Variants in SPTLC3 observed in about 807,000 individuals in gnomAD.
SPTLC3 encodes the protein serine palmitoyltransferase 3.
In SPTLC3, 36 loss-of-function variants were observed where a neutral mutation model predicts 59.3. The ratio of observed to expected loss-of-function variants is 0.61; its 90% CI spans 0.47 to 0.80. SPTLC3 has a LOEUF of 0.80. SPTLC3 is among the 30% of genes least tolerant of loss of function. The probability of loss-of-function intolerance (pLI) is 0.00; values close to 1 mark genes in which losing one functional copy is unlikely to be tolerated. For synonymous variants in SPTLC3, 257 were observed against 240.8 expected, an observed-to-expected ratio of 1.07 and a Z score of -0.62; for missense variants, 625 against 685.1, an observed-to-expected ratio of 0.91 and a Z score of 0.98.
At chr20:13,087,360 C>T (rs915612560) in intron 4 of SPTLC3, among the ~76,000 whole-genome samples, 3 of 152,096 alleles carry the variant, frequency 2.0e-5, no homozygotes, top group African/African-American at 7.2e-5. Context: ...GGTGACTGGG[C>T]CAGTTTCCTG....
intron 2 of SPTLC3, 133 bp from the exon 3 acceptor site, chr20:13,072,123 C>A (rs1316522100): frequency 1.1e-5 from 11 of 968,776 alleles, no homozygotes; most frequent in Admixed American, 2.6e-5. Flanking sequence ...CCCTCACCTA[C>A]TGACCTTTGC....
Position 13,168,605 on chromosome 20 carries a change from A to T in SPTLC3, c.*3738A>T, listed in dbSNP as rs2039013923. 6.6e-6 allele frequency: 1 copy of T among 152,250 alleles called. No individual in the cohort carries two copies. The highest frequency in any genetic ancestry group is 6.5e-5 in the Admixed American group (1 of 15,288). 9.4% of individuals were successfully genotyped at this position (152,250 alleles called of 1,614,324 possible). A position where few individuals can be genotyped will look rare whatever the true frequency, so the allele number is the denominator to read the frequency against. On this transcript the variant is annotated 3_prime_UTR_variant, in exon 12 of 12. Transcript: ENST00000399002. ...AAAAGTCTTAACAGTTCTTCAAACG[A>T]ACAATATTCTTTTGTATTTTTCTTC...
At chr20:13,060,194 T>A (rs767778825) in intron 2 of SPTLC3, among the ~76,000 whole-genome samples, 2 of 152,188 alleles carry the variant, frequency 1.3e-5, no homozygotes, top group African/African-American at 2.4e-5. Flanking sequence ...TTTAGACAGA[T>A]CCTATCAGAC....
intron 4 of SPTLC3, among the ~76,000 whole-genome samples, chr20:13,081,966 C>A (rs1988854443): frequency 2.0e-5 from 3 of 152,162 alleles, no homozygotes; most frequent in Admixed American, 2.0e-4. Flanking sequence ...TAGTAGAGTT[C>A]TGACAACATA....
At position 13,072,309 on chromosome 20, in the gene SPTLC3, C is replaced by T. The variant is rs536711283; in HGVS notation, c.357C>T (p.Tyr119=). The T allele has an allele frequency of 1.2e-6, 2 of 1,613,944 alleles. No individual in the cohort carries two copies. Among genetic ancestry groups the T allele is most frequent in the African/African-American group, 1.3e-5 (1 of 75,048 alleles). ...AAAATTTTTATACAAGAAACCTTTA[C>T]ATGCGAATCAGAGACAACTGGAACC... ...DFENFYTRNL[Y]MRIRDNWNRP... Residue 119 remains tyrosine, a synonymous_variant, in exon 3 of 12, where the codon TAC becomes TAT. Transcript: ENST00000399002.
chr20:13,042,721 T>C (rs1987043933), intron 1 of SPTLC3, among the ~76,000 whole-genome samples: 1 of 152,200 alleles, frequency 6.6e-6, no homozygotes, highest in African/African-American at 2.4e-5. Context: ...AGAATGTTTC[T>C]ACTTGCTGAA....
intron 5 of SPTLC3, among the ~76,000 whole-genome samples, chr20:13,091,954 T>C (rs971608567): frequency 5.9e-5 from 9 of 152,224 alleles, no homozygotes; most frequent in South Asian, 2.1e-4. Context: ...ACAAGACCTA[T>C]GTATTTTAAA....
In SPTLC3 at chr20:13,074,502, G is replaced by A. The variant is rs1600254115; in HGVS notation, c.607+5G>A. ...CCAGCACCAGGCATGAAATGGGTAT[G>A]TACATTCACTGTTTTGAAACTTTTT... On this transcript the variant is annotated splice_donor_5th_base_variant and intron_variant, in intron 4 of 11. Transcript: ENST00000399002. The A allele has an allele frequency of 6.2e-7, 1 of 1,603,246 alleles. No homozygotes were observed. Among genetic ancestry groups the A allele is most frequent in the Non-Finnish European group, 8.5e-7 (1 of 1,174,556 alleles).
At chr20:13,094,013 A>T (rs1241250108) in intron 6 of SPTLC3, among the ~76,000 whole-genome samples, 1 of 152,150 alleles carries the variant, frequency 6.6e-6, no homozygotes, top group African/African-American at 2.4e-5. Context: ...AGATGCTCAG[A>T]TCCCCACCCA....
chr20:13,100,953 G>A (rs1229904290), intron 6 of SPTLC3, among the ~76,000 whole-genome samples: 1 of 152,096 alleles, frequency 6.6e-6, no homozygotes, highest in African/African-American at 2.4e-5. Context: ...TTCAGAAAGT[G>A]ATGCCAGGAA....
At chr20:13,080,928 T>A (rs1988821236) in intron 4 of SPTLC3, among the ~76,000 whole-genome samples, 1 of 152,190 alleles carries the variant, frequency 6.6e-6, no homozygotes, top group Non-Finnish European at 1.5e-5. Context: ...ATTTGGTGGA[T>A]CTGTTTAGCA....
chr20:13,125,320 A>G (rs1220541296), intron 8 of SPTLC3, among the ~76,000 whole-genome samples: 1 of 152,224 alleles, frequency 6.6e-6, no homozygotes, highest in Non-Finnish European at 1.5e-5. Flanking sequence ...CATTCCAAAG[A>G]GTGTTACACA....
chr20:13,132,568 A>T (rs1237839695), intron 9 of SPTLC3, among the ~76,000 whole-genome samples: 1 of 152,182 alleles, frequency 6.6e-6, no homozygotes, highest in Non-Finnish European at 1.5e-5. Context: ...AAACTCCAGG[A>T]GAACAAGCAC....
intron 10 of SPTLC3, among the ~76,000 whole-genome samples, chr20:13,155,420 T>C (rs1158763431): frequency 6.6e-6 from 1 of 152,148 alleles, no homozygotes; most frequent in African/African-American, 2.4e-5. Context: ...GAGGTTTGGG[T>C]CTTACTTGTG....
At chr20:13,029,945 A>T (rs1986349556) in intron 1 of SPTLC3, among the ~76,000 whole-genome samples, 1 of 152,178 alleles carries the variant, frequency 6.6e-6, no homozygotes, top group African/African-American at 2.4e-5. Flanking sequence ...GCTGAATAGC[A>T]GTCCCTGTTT....
intron 9 of SPTLC3, among the ~76,000 whole-genome samples, chr20:13,137,611 A>G (rs1245312441): frequency 6.6e-6 from 1 of 152,186 alleles, no homozygotes; most frequent in East Asian, 1.9e-4. Context: ...GAGGCTAAAG[A>G]TGACAATTTG....
rs140326099 is a variant in SPTLC3, at chr20:13,111,156, C to T, written c.932+939C>T. ...ATTTTTAACATTTTTAACTCCAGTACTTCTGCCCCCATGGTTAGGGTTCTG... is the reference window on the plus strand; with the variant it reads ...ATTTTTAACATTTTTAACTCCAGTATTTCTGCCCCCATGGTTAGGGTTCTG... On this transcript the variant is annotated intron_variant, in intron 7 of 11. Coordinates refer to ENST00000399002, the MANE Select transcript of SPTLC3 (RefSeq NM_018327.4). Among the ~76,000 whole-genome samples the T allele has an allele frequency of 6.7e-3, 1,019 of 152,214 alleles. 16 individuals carry two copies. The highest frequency in any genetic ancestry group is 0.023 in the African/African-American group (966 of 41,526).
At chr20:13,056,532 T>C (rs914458271) in intron 2 of SPTLC3, among the ~76,000 whole-genome samples, 16 of 141,892 alleles carry the variant, frequency 1.1e-4, no homozygotes, top group Middle Eastern at 3.7e-3. Context: ...ACTGCAAACC[T>C]CCACCACCTG....
intron 1 of SPTLC3, among the ~76,000 whole-genome samples, chr20:13,046,106 C>T (rs1406767592): frequency 6.6e-6 from 1 of 152,202 alleles, no homozygotes; most frequent in African/African-American, 2.4e-5. Flanking sequence ...GTCACCCACA[C>T]TGGGTTCCCT....
Sources: gnomAD v4.1 joint callset for allele counts (sites outside exome capture counted in the v4.1 genomes callset) on GRCh38, gnomAD v4.1.1 for gene constraint, MANE v1.5 for transcripts, NCBI Gene and HGNC (gene_info 2026-07-23, HGNC 2026-07-21) for gene names.